The following COL25A1 variants were observed in gnomAD, a reference collection of about 807,000 sequenced individuals.
The protein encoded by COL25A1 is collagen type XXV alpha 1 chain.
A neutral mutation model predicts 128.4 loss-of-function variants in COL25A1; 103 were observed. That is an observed-to-expected ratio of 0.80 (90% confidence interval 0.68 to 0.94). The LOEUF is 0.94. Ranked by LOEUF, COL25A1 falls within the 40% of genes least tolerant of loss-of-function variation. COL25A1 has a pLI of 0.00. For missense variants in COL25A1, 745 were observed against 840.0 expected, an observed-to-expected ratio of 0.89 and a Z score of 1.40; for synonymous variants, 279 against 277.2, an observed-to-expected ratio of 1.01 and a Z score of -0.06.
intron 3 of COL25A1, among the ~76,000 whole-genome samples, chr4:109,059,780 G>T (rs1421940075): frequency 1.3e-5 from 2 of 152,068 alleles, no homozygotes; most frequent in Non-Finnish European, 2.9e-5. Flanking sequence ...GAAAAATATT[G>T]ATCTTTTAGA....
chr4:108,919,125 G>A (rs1485226677), intron 12 of COL25A1, among the ~76,000 whole-genome samples: 1 of 151,946 alleles, frequency 6.6e-6, no homozygotes, highest in Non-Finnish European at 1.5e-5. Context: ...TAATAATGGG[G>A]AAAAGATTTT....
intron 3 of COL25A1, among the ~76,000 whole-genome samples, chr4:109,163,817 CAAAG>C (rs1772811839): frequency 6.6e-6 from 1 of 152,088 alleles, no homozygotes; most frequent in Admixed American, 6.5e-5. Context: ...TGCAATGCAC[CAAAG>C]AGTCATTTTT....
intron 3 of COL25A1, among the ~76,000 whole-genome samples, chr4:109,293,758 A>G (rs1724698970): frequency 6.6e-6 from 1 of 152,132 alleles, no homozygotes; most frequent in Non-Finnish European, 1.5e-5. Context: ...CAATATGAAG[A>G]AAAATAAAAA....
chr4:109,207,098 A>G (rs1362688183), intron 3 of COL25A1, among the ~76,000 whole-genome samples: 3 of 152,220 alleles, frequency 2.0e-5, no homozygotes, highest in Non-Finnish European at 4.4e-5. Flanking sequence ...CAACACTTTA[A>G]TGACTCTGGC....
intron 3 of COL25A1, among the ~76,000 whole-genome samples, chr4:109,249,727 T>C (rs762081857): frequency 6.6e-6 from 1 of 152,224 alleles, no homozygotes; most frequent in Non-Finnish European, 1.5e-5. Flanking sequence ...ACATCAATTA[T>C]ACTAAAATCT....
At chr4:109,143,514 C>A (rs1770637098) in intron 3 of COL25A1, among the ~76,000 whole-genome samples, 1 of 152,138 alleles carries the variant, frequency 6.6e-6, no homozygotes, top group Non-Finnish European at 1.5e-5. Flanking sequence ...CAACTTGATT[C>A]CATTCTCCCC....
chr4:109,196,626 T>G (rs1169447749), intron 3 of COL25A1, among the ~76,000 whole-genome samples: 1 of 152,164 alleles, frequency 6.6e-6, no homozygotes, highest in Non-Finnish European at 1.5e-5. Context: ...CAGCTAAAAT[T>G]TAGTGCAGCT....
intron 3 of COL25A1, among the ~76,000 whole-genome samples, chr4:109,254,063 G>A (rs2126247040): frequency 6.6e-6 from 1 of 151,524 alleles, no homozygotes; most frequent in South Asian, 2.1e-4. Flanking sequence ...CTCCAGCCTG[G>A]GCGACAGTGC....
chr4:109,093,852 T>C (rs1312208452), intron 3 of COL25A1, among the ~76,000 whole-genome samples: 1 of 152,116 alleles, frequency 6.6e-6, no homozygotes, highest in African/African-American at 2.4e-5. Context: ...AAATTTATCA[T>C]CAAAAGCCTT....
chr4:108,862,907 A>G (rs1452329643), intron 21 of COL25A1, among the ~76,000 whole-genome samples: 2 of 152,228 alleles, frequency 1.3e-5, no homozygotes, highest in Admixed American at 1.3e-4. Flanking sequence ...GTGTGACCAC[A>G]TTAGTTTGCA....
chr4:108,910,437 C>T (rs566917091), intron 13 of COL25A1, among the ~76,000 whole-genome samples: 1 of 152,244 alleles, frequency 6.6e-6, no homozygotes, highest in South Asian at 2.1e-4. Flanking sequence ...TTTTAACAGA[C>T]AGTTATATGT....
intron 3 of COL25A1, among the ~76,000 whole-genome samples, chr4:109,092,933 G>T (rs1765045369): frequency 6.6e-6 from 1 of 152,056 alleles, no homozygotes; most frequent in Admixed American, 6.6e-5. Flanking sequence ...TATATTCATA[G>T]GAGATTGTGA....
chr4:108,855,978 G>C (rs1736446491), intron 24 of COL25A1, among the ~76,000 whole-genome samples: 1 of 152,138 alleles, frequency 6.6e-6, no homozygotes, highest in Non-Finnish European at 1.5e-5. Flanking sequence ...AGAATTTTTG[G>C]TGGTGATGGA....
At chr4:108,826,542 GATAATA>G (rs1230045124) in intron 33 of COL25A1, among the ~76,000 whole-genome samples, 2 of 151,888 alleles carry the variant, frequency 1.3e-5, no homozygotes, top group Admixed American at 1.3e-4. Flanking sequence ...CATCTCAAAT[GATAATA>G]ATAATAAGAA....
chr4:109,135,105 A>G (rs1488040003), intron 3 of COL25A1, among the ~76,000 whole-genome samples: 1 of 151,098 alleles, frequency 6.6e-6, no homozygotes, highest in African/African-American at 2.4e-5. Flanking sequence ...AAAGGTGGTG[A>G]TCAAGTGTGA....
intron 3 of COL25A1, among the ~76,000 whole-genome samples, chr4:109,085,530 C>T (rs1211918275): frequency 1.3e-5 from 2 of 152,120 alleles, no homozygotes; most frequent in Non-Finnish European, 1.5e-5. Flanking sequence ...TTCCCCTCTC[C>T]AATGCATTAA....
At position 108,832,049 on chromosome 4, in the gene COL25A1, G is replaced by A. The variant is rs199738562; in HGVS notation, c.1710+331C>T. Among the ~76,000 whole-genome samples the A allele has an allele frequency of 1.2e-4, 11 of 89,008 alleles. No individual in the cohort carries two copies. In the East Asian group the frequency reaches 1.2e-3, roughly 10 times the overall value. The allele number at this position is 89,008 out of a possible 152,430, so 58.4% of individuals were successfully genotyped here. ...GATTATCAACCAGAATACATACTCC[G>A]GAAATTTTAGCTCCATTGACTTCGA... On this transcript the variant is annotated intron_variant, in intron 32 of 37. Transcript: ENST00000399132.
chr4:108,972,410 C>G (rs1752007322), intron 8 of COL25A1, among the ~76,000 whole-genome samples: 2 of 152,128 alleles, frequency 1.3e-5, no homozygotes, highest in South Asian at 4.1e-4. Context: ...AAATATAGAA[C>G]CTTCATCTTA....
chr4:109,279,248 C>T (rs1354757739), intron 3 of COL25A1, among the ~76,000 whole-genome samples: 4 of 152,100 alleles, frequency 2.6e-5, no homozygotes, highest in Non-Finnish European at 4.4e-5. Context: ...TTTTCATAGT[C>T]AAGGACCCAG....
Sources: allele counts gnomAD v4.1 joint callset (sites outside exome capture counted in the v4.1 genomes callset), GRCh38; gene constraint gnomAD v4.1.1; transcripts MANE v1.5; gene names NCBI Gene and HGNC (gene_info 2026-07-23, HGNC 2026-07-21).